The following NKAIN3 variants were observed in gnomAD, a reference collection of about 807,000 sequenced individuals.
NKAIN3 encodes the protein sodium/potassium-transporting ATPase subunit beta-1-interacting protein 3.
A neutral mutation model predicts 30.2 loss-of-function variants in NKAIN3; 25 were observed. The ratio of observed to expected loss-of-function variants is 0.83; its 90% CI spans 0.60 to 1.16. NKAIN3 has a LOEUF of 1.16. NKAIN3 is among the 50% of genes most tolerant of loss of function. NKAIN3 has a pLI of 0.00. For synonymous variants in NKAIN3, 91 were observed against 89.6 expected, an observed-to-expected ratio of 1.02 and a Z score of -0.09; for missense variants, 225 against 254.1, an observed-to-expected ratio of 0.89 and a Z score of 0.78.
chr8:62,324,323 G>A (rs1279964255), intron 1 of NKAIN3, among the ~76,000 whole-genome samples: 2 of 152,014 alleles, frequency 1.3e-5, no homozygotes, highest in Admixed American at 1.3e-4. Flanking sequence ...TTATTAAATA[G>A]GCTCTGCAGG....
At chr8:62,696,364 T>C (rs184410271) in intron 3 of NKAIN3, among the ~76,000 whole-genome samples, 1 of 152,318 alleles carries the variant, frequency 6.6e-6, no homozygotes, top group Non-Finnish European at 1.5e-5. Context: ...TAATGCTCCC[T>C]GAAGATTTCA....
intron 4 of NKAIN3, among the ~76,000 whole-genome samples, chr8:62,898,618 A>C (rs77986332): frequency 0.011 from 1,702 of 152,270 alleles, 16 homozygotes; most frequent in Middle Eastern, 0.037. Flanking sequence ...GTCTCAAACT[A>C]TGAAACTACT....
Position 62,327,723 on chromosome 8 carries a change from A to G in NKAIN3, c.54+78596A>G, listed in dbSNP as rs1040933238. Among the ~76,000 whole-genome samples the G allele has an allele frequency of 5.3e-5, 8 of 152,160 alleles. No individual in the cohort carries two copies. In the East Asian group the frequency reaches 1.5e-3, roughly 29 times the overall value. ...TAAGTTTTGAAATCAGGAAATGTAC[A>G]TCCTCTAGCTTTGTTCTTTTTTTAT... On this transcript the variant is annotated intron_variant, in intron 1 of 6. Coordinates refer to ENST00000623646, the MANE Select transcript of NKAIN3 (RefSeq NM_001304533.3).
At chr8:62,890,976 A>G (rs1456263792) in intron 4 of NKAIN3, among the ~76,000 whole-genome samples, 1 of 152,196 alleles carries the variant, frequency 6.6e-6, no homozygotes, top group Non-Finnish European at 1.5e-5. Context: ...AGAATATCTG[A>G]AAGAGAGCAA....
At chr8:62,567,571 A>G (rs1206883352) in intron 1 of NKAIN3, among the ~76,000 whole-genome samples, 2 of 152,188 alleles carry the variant, frequency 1.3e-5, no homozygotes, top group East Asian at 1.9e-4. Flanking sequence ...AAAGGTCTTT[A>G]TAAGTGAAAG....
At chr8:62,404,881 C>T (rs1318135761) in intron 1 of NKAIN3, among the ~76,000 whole-genome samples, 1 of 152,150 alleles carries the variant, frequency 6.6e-6, no homozygotes, top group South Asian at 2.1e-4. Flanking sequence ...AAAGCAAGCA[C>T]ATCTCTGGGT....
chr8:62,285,615 C>T (rs981647297), intron 1 of NKAIN3, among the ~76,000 whole-genome samples: 1 of 152,122 alleles, frequency 6.6e-6, no homozygotes, highest in South Asian at 2.1e-4. Context: ...TCTCAGAGCT[C>T]TCTGTGTGAG....
At chr8:62,922,355 A>T (rs945307714) in intron 5 of NKAIN3, among the ~76,000 whole-genome samples, 1 of 152,206 alleles carries the variant, frequency 6.6e-6, no homozygotes, top group African/African-American at 2.4e-5. Flanking sequence ...AAAACTTTTT[A>T]AAATCCTATC....
chr8:62,580,138 G>A (rs934542341), intron 2 of NKAIN3, among the ~76,000 whole-genome samples: 1 of 152,062 alleles, frequency 6.6e-6, no homozygotes, highest in South Asian at 2.1e-4. Flanking sequence ...ATTGATTTAG[G>A]ACATTACAAG....
chr8:62,855,517 T>C, intron 4 of NKAIN3: 2 of 1,430,840 alleles, frequency 1.4e-6, no homozygotes, highest in African/African-American at 2.8e-5. Context: ...GATTGTAATC[T>C]GGTGGGTAAA....
chr8:62,849,960 G>T (rs1181829584), intron 4 of NKAIN3, among the ~76,000 whole-genome samples: 1 of 152,016 alleles, frequency 6.6e-6, no homozygotes, highest in Non-Finnish European at 1.5e-5. Flanking sequence ...AATCCTTTGG[G>T]TATATACCCA....
At position 62,977,709 on chromosome 8, in the gene NKAIN3, C is replaced by T. The variant is rs776653885; in HGVS notation, c.*12302C>T. 4.0e-5 allele frequency among the ~76,000 whole-genome samples: 6 copies of T among 151,840 alleles called. No individual in the cohort carries two copies. Among genetic ancestry groups the T allele is most frequent in the Non-Finnish European group, 7.4e-5 (5 of 67,946 alleles). ...ATTACCCATCTTCTGAAGCTTACTTCTGTCAATTTGTCAAACACATTCTCC... is the reference window on the plus strand; with the variant it reads ...ATTACCCATCTTCTGAAGCTTACTTTTGTCAATTTGTCAAACACATTCTCC... On this transcript the variant is annotated 3_prime_UTR_variant, in exon 7 of 7. Transcript: ENST00000623646.
intron 3 of NKAIN3, among the ~76,000 whole-genome samples, chr8:62,707,542 C>T (rs1814573251): frequency 6.6e-6 from 1 of 152,156 alleles, no homozygotes; most frequent in Admixed American, 6.5e-5. Flanking sequence ...ATTGTCTATC[C>T]ATGTCCTTAG....
chr8:62,337,622 ATATG>A (rs1483043056), intron 1 of NKAIN3, among the ~76,000 whole-genome samples: 1 of 140,808 alleles, frequency 7.1e-6, no homozygotes, highest in Non-Finnish European at 1.5e-5. Context: ...TCTCACACAC[ATATG>A]TGTGTACACA....
intron 3 of NKAIN3, among the ~76,000 whole-genome samples, chr8:62,694,339 G>T (rs1334035304): frequency 6.6e-6 from 1 of 151,900 alleles, no homozygotes. Context: ...TTAAAAATAT[G>T]CTATATACAT....
At chr8:62,787,523 T>C (rs943954075) in intron 4 of NKAIN3, among the ~76,000 whole-genome samples, 2 of 152,148 alleles carry the variant, frequency 1.3e-5, no homozygotes, top group African/African-American at 4.8e-5. Flanking sequence ...TATCATCCTC[T>C]TTTTTTAAAA....
At chr8:62,589,902 T>TGTGA in intron 3 of NKAIN3, 108 bp downstream of exon 3, 2 of 501,102 alleles carry the variant, frequency 4.0e-6, no homozygotes, top group Non-Finnish European at 7.2e-6. Context: ...TGTGTGTGTG[T>TGTGA]GTGTGTGTGT....
chr8:62,462,100 GGACAAAGAGCGT>G (rs1585835266), intron 1 of NKAIN3, among the ~76,000 whole-genome samples: 12 of 152,258 alleles, frequency 7.9e-5, no homozygotes, highest in East Asian at 5.8e-4. Context: ...GGCTTCTCAT[GGACAAAGAGCGT>G]GGGCAGGTGG....
chr8:62,575,169 G>T (rs898197727), intron 1 of NKAIN3, among the ~76,000 whole-genome samples: 11 of 152,106 alleles, frequency 7.2e-5, no homozygotes, highest in Non-Finnish European at 1.5e-5. Flanking sequence ...TGGGAAGGAA[G>T]AAGTCAAATT....
Sources: allele counts gnomAD v4.1 joint callset (sites outside exome capture counted in the v4.1 genomes callset), GRCh38; gene constraint gnomAD v4.1.1; transcripts MANE v1.5; gene names NCBI Gene and HGNC (gene_info 2026-07-23, HGNC 2026-07-21).